SLC6A4: variants seen among roughly 807,000 people sequenced by gnomAD.
SLC6A4 encodes sodium-dependent serotonin transporter.
SLC6A4 carries 22 observed loss-of-function variants against 73.4 expected under a neutral mutation model. That is an observed-to-expected ratio of 0.30 (90% CI 0.21 to 0.43). The LOEUF is 0.43. SLC6A4 is among the 20% of genes least tolerant of loss of function. The probability of loss-of-function intolerance (pLI) is 1.00; values close to 1 mark genes in which losing one functional copy is unlikely to be tolerated. For synonymous variants in SLC6A4, 270 were observed against 315.5 expected, an observed-to-expected ratio of 0.86 and a Z score of 1.53; for missense variants, 593 against 808.5, an observed-to-expected ratio of 0.73 and a Z score of 3.23.
At chr17:30,220,920 C>T (rs1239045493) in intron 3 of SLC6A4, among the ~76,000 whole-genome samples, 4 of 150,594 alleles carry the variant, frequency 2.7e-5, no homozygotes, top group Admixed American at 1.3e-4. Flanking sequence ...CTTCACAACC[C>T]GGAGAGCCTC....
At chr17:30,226,889 G>GAACAAGAA (rs1906947098) in intron 1 of SLC6A4, among the ~76,000 whole-genome samples, 1 of 122,772 alleles carries the variant, frequency 8.1e-6, no homozygotes, top group African/African-American at 3.7e-5. Context: ...AAAAGAAAAA[G>GAACAAGAA]AAAGAAAAAA....
rs199890537 is a variant in SLC6A4 at position 30,210,618 on chromosome 17, G to T, written c.1346C>A (p.Ala449Asp). 2 of 1,613,418 alleles carry T rather than the reference G, an allele frequency of 1.2e-6. No individual in the cohort carries two copies. The highest frequency in any genetic ancestry group is 1.7e-6 in the Non-Finnish European group (2 of 1,179,704). The change falls in exon 11 of 15, where the codon GCT becomes GAT. Residue 449 changes from alanine (A) to aspartate (D), a missense_variant. Coordinates refer to ENST00000650711, the MANE Select transcript of SLC6A4 (RefSeq NM_001045.6). ...GACGTGTGGGAACTCATCCAGCACA[G>T]CCGTGATCACCCCCTCCAAGCCTGC... ...TFAGLEGVITAVLDEFPHVWA... is the reference protein window; with the variant it reads ...TFAGLEGVITDVLDEFPHVWA...
chr17:30,227,358 T>A (rs1161893906), intron 1 of SLC6A4, among the ~76,000 whole-genome samples: 3 of 152,106 alleles, frequency 2.0e-5, no homozygotes, highest in African/African-American at 4.8e-5. Flanking sequence ...CTGCTTGTTT[T>A]TTTTTTGGAC....
At chr17:30,200,156 C>T (rs1416082489) in intron 14 of SLC6A4, among the ~76,000 whole-genome samples, 1 of 152,214 alleles carries the variant, frequency 6.6e-6, no homozygotes, top group Non-Finnish European at 1.5e-5. Context: ...CAATGAACGA[C>T]GTCATAAAGT....
intron 3 of SLC6A4, among the ~76,000 whole-genome samples, chr17:30,220,902 T>C (rs953983353): frequency 7.2e-5 from 11 of 151,774 alleles, no homozygotes; most frequent in African/African-American, 2.2e-4. Context: ...TGGGAGGGCT[T>C]CACCCAGCTT....
rs184149069 is a variant in SLC6A4, at chr17:30,218,184, T to C, written c.632A>G (p.Asn211Ser). ...KNSWNTGNCT[N>S]YFSEDNITWT... ...GGTGATGTTGTCCTCGGAGAAGTAA[T>C]TGGTGCAGTTGCCAGTGTTCCAGGA... Residue 211 changes from asparagine to serine, a missense_variant, in exon 5 of 15, where the codon AAT becomes AGT. By Grantham distance (46) the Asn-to-Ser change is conservative (BLOSUM62 1). Coordinates refer to ENST00000650711, the MANE Select transcript of SLC6A4 (RefSeq NM_001045.6). The C allele has an allele frequency of 1.9e-6, 3 of 1,614,146 alleles. No homozygotes were observed. The highest frequency in any genetic ancestry group is 4.5e-5 in the East Asian group (2 of 44,878).
intron 1 of SLC6A4, among the ~76,000 whole-genome samples, chr17:30,227,068 T>G (rs9903602): frequency 0.14 from 21,232 of 152,214 alleles, 4,823 homozygotes; most frequent in African/African-American, 0.48. Context: ...CGTGTTTAGA[T>G]AGCTCACATG....
chr17:30,201,603 G>A (rs566863291), intron 14 of SLC6A4, among the ~76,000 whole-genome samples: 11 of 152,334 alleles, frequency 7.2e-5, no homozygotes, highest in African/African-American at 2.4e-4. Context: ...CAACTGCCAA[G>A]ACAGATGACC....
At chr17:30,225,540 C>T (rs1906900131) in intron 1 of SLC6A4, among the ~76,000 whole-genome samples, 1 of 152,124 alleles carries the variant, frequency 6.6e-6, no homozygotes, top group Non-Finnish European at 1.5e-5. Flanking sequence ...TATTTTTATC[C>T]TGCTGGGTGG....
intron 14 of SLC6A4, among the ~76,000 whole-genome samples, chr17:30,199,080 A>G (rs55801002): frequency 6.6e-6 from 1 of 152,236 alleles, no homozygotes; most frequent in Non-Finnish European, 1.5e-5. Context: ...ATAAATTATC[A>G]CATAGTTAAA....
At chr17:30,210,432 A>G (rs546290414) in intron 11 of SLC6A4, 83 bp downstream of exon 11, 3 of 1,442,128 alleles carry the variant, frequency 2.1e-6, no homozygotes, top group Admixed American at 4.1e-5. Context: ...GCACTGTGTG[A>G]GATGGAAGGA....
chr17:30,230,090 GAAGAA>G (rs1242565085), intron 1 of SLC6A4, among the ~76,000 whole-genome samples: 5 of 125,464 alleles, frequency 4.0e-5, no homozygotes, highest in Non-Finnish European at 6.6e-5. Flanking sequence ...AGAAGAAGAA[GAAGAA>G]GAGGAGGAAG....
At chr17:30,218,724 C>T (rs922009068) in intron 4 of SLC6A4, 73 bp downstream of exon 4, 3 of 1,539,252 alleles carry the variant, frequency 1.9e-6, no homozygotes, top group Non-Finnish European at 2.7e-6. Flanking sequence ...AGAAGGTCCC[C>T]AGCTCCCACC....
At position 30,196,441 on chromosome 17, in the gene SLC6A4, A is replaced by G. The variant is rs1423264752; in HGVS notation, c.*2015T>C. 6.6e-6 allele frequency: 1 copy of G among 152,322 alleles called. No homozygotes were observed. The allele number at this position is 152,322 out of a possible 1,614,324, so 9.4% of individuals were successfully genotyped here. A position where few individuals can be genotyped will look rare whatever the true frequency, so the allele number is the denominator to read the frequency against. On this transcript the variant is annotated 3_prime_UTR_variant, in exon 15 of 15. Transcript: ENST00000650711. ...ATTCCATTAATACCAGACTTGGCAAAACGCTAATTCTGTTTGAAAAGGTGT... is the reference window on the plus strand; with the variant it reads ...ATTCCATTAATACCAGACTTGGCAAGACGCTAATTCTGTTTGAAAAGGTGT...
intron 9 of SLC6A4, among the ~76,000 whole-genome samples, chr17:30,212,505 G>A (rs1234201456): frequency 6.6e-6 from 1 of 152,188 alleles, no homozygotes; most frequent in Admixed American, 6.5e-5. Flanking sequence ...TCCCACCTCA[G>A]CCTCCTGAGT....
chr17:30,209,325 C>A, intron 11 of SLC6A4, 83 bp from the exon 12 acceptor site: 2 of 846,920 alleles, frequency 2.4e-6, no homozygotes, highest in Non-Finnish European at 3.8e-6. Flanking sequence ...GGCTTCCTCA[C>A]TTAGAATCAT....
chr17:30,216,295 G>A, intron 6 of SLC6A4, 79 bp from the exon 7 acceptor site: 1 of 332,670 alleles, frequency 3.0e-6, no homozygotes. Context: ...GGGAGCGGGG[G>A]AGGGGAGGGG....
At position 30,207,736 on chromosome 17, in the gene SLC6A4, A is replaced by G. The variant is rs1906252420; in HGVS notation, c.1646T>C (p.Leu549Pro). 6.2e-7 allele frequency: 1 copy of G among 1,606,830 alleles called. No homozygotes were observed. The highest frequency in any genetic ancestry group is 1.3e-5 in the African/African-American group (1 of 74,798). ...AGAAGGGAAATGGCAACTCACCAGG[A>G]GAAACAGAGGGCTGATGGCCACCCA... Reference protein sequence around the residue: ...ICWVAISPLFLLFIICSFLMS... With the variant: ...ICWVAISPLFPLFIICSFLMS... Residue 549 changes from leucine (L) to proline (P), a missense_variant, in exon 13 of 15, where the codon CTC becomes CCC. Coordinates refer to ENST00000650711, the MANE Select transcript of SLC6A4 (RefSeq NM_001045.6).
chr17:30,206,625 C>G (rs975216613), intron 13 of SLC6A4, among the ~76,000 whole-genome samples: 1 of 151,980 alleles, frequency 6.6e-6, no homozygotes, highest in Non-Finnish European at 1.5e-5. Flanking sequence ...AGATCCTTCC[C>G]TGGTCTTGAA....
Sources: gnomAD v4.1 joint callset for allele counts (sites outside exome capture counted in the v4.1 genomes callset) on GRCh38, gnomAD v4.1.1 for gene constraint, MANE v1.5 for transcripts, NCBI Gene and HGNC (gene_info 2026-07-23, HGNC 2026-07-21) for gene names.